The following MMRN1 variants were observed in gnomAD, a reference collection of about 807,000 sequenced individuals.
MMRN1 encodes multimerin 1, also known as multimerin-1.
Under a neutral mutation model 100.7 loss-of-function variants are expected in MMRN1, and 94 were observed. That is an observed-to-expected ratio of 0.93 (90% CI 0.79 to 1.11). The LOEUF (loss-of-function observed/expected upper bound fraction) is 1.11. Ranked by LOEUF, MMRN1 falls within the 50% of genes least tolerant of loss-of-function variation. The pLI is 0.00. For synonymous variants in MMRN1, 575 were observed against 505.0 expected, an observed-to-expected ratio of 1.14 and a Z score of -1.86; for missense variants, 1,606 against 1,439.1, an observed-to-expected ratio of 1.12 and a Z score of -1.88.
intron 5 of MMRN1, among the ~76,000 whole-genome samples, chr4:89,928,920 T>A (rs1042323472): frequency 1.3e-5 from 2 of 152,110 alleles, no homozygotes; most frequent in African/African-American, 4.8e-5. Flanking sequence ...GGGGTGTGTA[T>A]TATTCTGCCT....
At chr4:89,951,819 T>A in intron 7 of MMRN1, 68 bp downstream of exon 7, 1 of 1,536,636 alleles carries the variant, frequency 6.5e-7, no homozygotes, top group Non-Finnish European at 8.9e-7. Context: ...TTTGAAAATA[T>A]TTATTAATGA....
chr4:89,929,130 G>C (rs1722356750), intron 5 of MMRN1, among the ~76,000 whole-genome samples: 1 of 152,108 alleles, frequency 6.6e-6, no homozygotes, highest in Admixed American at 6.6e-5. Context: ...CAGTTAGTTT[G>C]ATTCCTGGGA....
At position 89,934,872 on chromosome 4, in the gene MMRN1, T is replaced by G; in HGVS notation, c.1192T>G (p.Phe398Val). Residue 398 changes from phenylalanine (F) to valine (V), a missense_variant, in exon 6 of 8, where the codon TTT (phenylalanine) becomes GTT (valine). Transcript: ENST00000264790. The stretch of plus-strand genomic sequence containing the variant: ...CATAGTAAGAGAACAATTTAAAATT[T>G]TTCAAAATGACATGCAAGAGACTGT... The part of the protein sequence containing the change: ...RDIVREQFKI[F>V]QNDMQETVAQ... 1 of 1,588,984 alleles carries G rather than the reference T, an allele frequency of 6.3e-7. No individual in the cohort carries two copies. The highest frequency in any genetic ancestry group is 8.5e-7 in the Non-Finnish European group (1 of 1,171,978).
chr4:89,935,185 A>G lies in MMRN1; in HGVS notation c.1505A>G (p.Tyr502Cys). 1.9e-6 allele frequency: 3 copies of G among 1,613,380 alleles called. No homozygotes were observed. Among genetic ancestry groups the G allele is most frequent in the Non-Finnish European group, 2.5e-6 (3 of 1,179,678 alleles). The change falls in exon 6 of 8, where the codon TAT becomes TGT. Residue 502 changes from tyrosine to cysteine, a missense_variant. Tyr to Cys is a radical substitution (Grantham distance 194, BLOSUM62 -2). Transcript: ENST00000264790. The part of the protein sequence containing the change: ...LEQEHSRSIL[Y>C]YESLNKTLSK... ...CAGGAACACTCAAGAAGCATTCTGT[A>G]TTATGAATCCCTCAATAAAACTCTT...
Position 89,913,778 on chromosome 4 carries a change from G to A in MMRN1, c.850+1728G>A, listed in dbSNP as rs149956455. Among the ~76,000 whole-genome samples the A allele has an allele frequency of 2.5e-3, 383 of 151,324 alleles. 4 individuals are homozygous for A. The highest frequency in any genetic ancestry group is 8.5e-3 in the African/African-American group (353 of 41,422). On this transcript the variant is annotated intron_variant, in intron 3 of 7. Transcript: ENST00000264790. ...AGAACAGTTCTGATTATGACCTTCT[G>A]TCATAATAGTGTAATTGGAACCACT...
At chr4:89,945,278 GGGTTACTGTGGATAAA>G (rs1430254115) in intron 6 of MMRN1, among the ~76,000 whole-genome samples, 4 of 151,974 alleles carry the variant, frequency 2.6e-5, no homozygotes, top group Non-Finnish European at 5.9e-5. Flanking sequence ...TTCCAGTCTG[GGGTTACTGTGGATAAA>G]GCTGCTATAA....
chr4:89,894,919 T>TA lies in MMRN1; in HGVS notation c.-51dup. On this transcript the variant is annotated 5_prime_UTR_variant, in exon 1 of 8. Transcript: ENST00000264790. ...GTGGAAGCAGCTATCAAAAAGGCCA[T>TA]AAGGATTTTGTCCCCAAATTTCACA... 1 of 1,555,346 alleles carries TA rather than the reference T, an allele frequency of 6.4e-7. No homozygotes were observed. Among genetic ancestry groups the TA allele is most frequent in the African/African-American group, 1.4e-5 (1 of 73,064 alleles).
chr4:89,926,413 C>T (rs191815644), intron 4 of MMRN1, among the ~76,000 whole-genome samples: 1 of 152,084 alleles, frequency 6.6e-6, no homozygotes, highest in Non-Finnish European at 1.5e-5. Flanking sequence ...GCCTGTTTGC[C>T]ATATGTATGT....
At chr4:89,880,663 A>G (rs1720796340) in intron 1 of MMRN1, among the ~76,000 whole-genome samples, 1 of 152,144 alleles carries the variant, frequency 6.6e-6, no homozygotes, top group African/African-American at 2.4e-5. Context: ...TTAAGAATTG[A>G]TAAATTATAG....
intron 4 of MMRN1, 51 bp from the exon 5 acceptor site, chr4:89,927,744 A>C: frequency 6.5e-7 from 1 of 1,539,244 alleles, no homozygotes; most frequent in Non-Finnish European, 8.9e-7. Context: ...GATACCAACT[A>C]TGGGTCAAAA....
At chr4:89,940,547 A>G (rs1329018977) in intron 6 of MMRN1, among the ~76,000 whole-genome samples, 1 of 152,118 alleles carries the variant, frequency 6.6e-6, no homozygotes, top group Non-Finnish European at 1.5e-5. Context: ...CTCTGCATAG[A>G]GGCAGCTGTG....
intron 4 of MMRN1, among the ~76,000 whole-genome samples, chr4:89,924,398 G>C (rs12640573): frequency 0.067 from 10,163 of 151,968 alleles, 627 homozygotes; most frequent in East Asian, 0.3. Flanking sequence ...TCTACACTTA[G>C]TCTTAACATT....
intron 6 of MMRN1, among the ~76,000 whole-genome samples, chr4:89,943,532 G>A (rs1722896925): frequency 6.6e-6 from 1 of 152,068 alleles, no homozygotes; most frequent in Non-Finnish European, 1.5e-5. Context: ...TTTTGTTTTA[G>A]GACCCAAATG....
chr4:89,938,822 T>C (rs948061138), intron 6 of MMRN1, among the ~76,000 whole-genome samples: 6 of 152,030 alleles, frequency 3.9e-5, no homozygotes, highest in Admixed American at 3.9e-4. Flanking sequence ...CAAAAATAAC[T>C]ATTAAAGTTC....
intron 1 of MMRN1, among the ~76,000 whole-genome samples, chr4:89,888,373 G>GCT (rs1720982508): frequency 6.7e-6 from 1 of 150,338 alleles, no homozygotes; most frequent in Non-Finnish European, 1.5e-5. Context: ...TAATTCTATT[G>GCT]CTCTCTCTCA....
chr4:89,886,166 C>T (rs1720933279), intron 1 of MMRN1, among the ~76,000 whole-genome samples: 1 of 151,470 alleles, frequency 6.6e-6, no homozygotes, highest in Non-Finnish European at 1.5e-5. Context: ...ACTAAGATTA[C>T]AAGCGTGAAC....
At chr4:89,947,668 G>A (rs777145080) in intron 6 of MMRN1, among the ~76,000 whole-genome samples, 2 of 152,078 alleles carry the variant, frequency 1.3e-5, no homozygotes, top group Admixed American at 6.6e-5. Flanking sequence ...TTACTCCTAG[G>A]GATGAGGAAA....
chr4:89,934,523 G>A (rs1426377882), intron 5 of MMRN1, among the ~76,000 whole-genome samples: 2 of 152,136 alleles, frequency 1.3e-5, no homozygotes, highest in African/African-American at 4.8e-5. Flanking sequence ...TATTACTGAA[G>A]TCAGTAGTAG....
At chr4:89,914,262 C>G (rs555663706) in intron 3 of MMRN1, among the ~76,000 whole-genome samples, 1 of 151,440 alleles carries the variant, frequency 6.6e-6, no homozygotes, top group East Asian at 1.9e-4. Flanking sequence ...ACTTTTGTAC[C>G]CTTCTTTCCA....
Sources: allele counts gnomAD v4.1 joint callset (sites outside exome capture counted in the v4.1 genomes callset), GRCh38; gene constraint gnomAD v4.1.1; transcripts MANE v1.5; gene names NCBI Gene and HGNC (gene_info 2026-07-23, HGNC 2026-07-21).